The following TBC1D15 variants were observed in gnomAD, a reference collection of about 807,000 sequenced individuals.
TBC1D15 encodes the protein GAP for RAB7.
TBC1D15 carries 39 observed loss-of-function variants against 95.4 expected under a neutral mutation model. The ratio of observed to expected loss-of-function variants is 0.41; its 90% CI spans 0.32 to 0.53. The LOEUF (loss-of-function observed/expected upper bound fraction) is 0.53. Ranked by LOEUF, TBC1D15 falls within the 20% of genes least tolerant of loss-of-function variation. TBC1D15 has a pLI of 0.29. For missense variants in TBC1D15, 733 were observed against 794.3 expected, an observed-to-expected ratio of 0.92 and a Z score of 0.93; for synonymous variants, 258 against 261.3, an observed-to-expected ratio of 0.99 and a Z score of 0.12.
intron 16 of TBC1D15, among the ~76,000 whole-genome samples, chr12:71,922,676 A>T (rs1033097655): frequency 6.6e-6 from 1 of 152,222 alleles, no homozygotes; most frequent in African/African-American, 2.4e-5. Context: ...TGATCTAAGA[A>T]AGATATTATT....
chr12:71,876,806 A>T, intron 3 of TBC1D15, among the ~76,000 whole-genome samples: 3 of 131,328 alleles, frequency 2.3e-5, no homozygotes, highest in African/African-American at 2.9e-5. Context: ...TTTTTTTTGA[A>T]GTTTTTTTGT....
intron 7 of TBC1D15, 57 bp from the exon 8 acceptor site, chr12:71,895,890 C>T: frequency 6.5e-7 from 1 of 1,535,074 alleles, no homozygotes; most frequent in Admixed American, 1.9e-5. Context: ...TTCTATATGC[C>T]TTTATTTCAT....
intron 1 of TBC1D15, among the ~76,000 whole-genome samples, chr12:71,840,504 T>C (rs1165468694): frequency 1.3e-5 from 2 of 152,196 alleles, no homozygotes; most frequent in African/African-American, 2.4e-5. Flanking sequence ...CCTAATTTCG[T>C]TGGAAACTAG....
At chr12:71,860,427 GTGTT>G (rs1890130253) in intron 1 of TBC1D15, among the ~76,000 whole-genome samples, 1 of 152,016 alleles carries the variant, frequency 6.6e-6, no homozygotes, top group Non-Finnish European at 1.5e-5. Context: ...GTTTTCATCA[GTGTT>G]TGTAGTTATT....
At chr12:71,846,287 C>T (rs1886243420) in intron 1 of TBC1D15, among the ~76,000 whole-genome samples, 1 of 152,120 alleles carries the variant, frequency 6.6e-6, no homozygotes, top group Non-Finnish European at 1.5e-5. Context: ...GGCATCTTAG[C>T]AAATATTTAA....
chr12:71,844,209 T>C (rs1885757415), intron 1 of TBC1D15, among the ~76,000 whole-genome samples: 1 of 152,242 alleles, frequency 6.6e-6, no homozygotes, highest in Non-Finnish European at 1.5e-5. Context: ...CTGTTCGTTC[T>C]TGGCCCTGCA....
chr12:71,864,529 A>G (rs1450020500), intron 1 of TBC1D15, among the ~76,000 whole-genome samples: 3 of 147,370 alleles, frequency 2.0e-5, no homozygotes, highest in African/African-American at 7.5e-5. Flanking sequence ...TTTGTTTGAG[A>G]TGGAGTCTCG....
intron 1 of TBC1D15, among the ~76,000 whole-genome samples, chr12:71,859,508 A>G (rs1889911095): frequency 6.6e-6 from 1 of 152,046 alleles, no homozygotes; most frequent in Admixed American, 6.6e-5. Flanking sequence ...TCTCTGTAAA[A>G]TCTTTGTCCT....
intron 1 of TBC1D15, among the ~76,000 whole-genome samples, chr12:71,845,849 T>C (rs1021975516): frequency 6.6e-6 from 1 of 152,184 alleles, no homozygotes; most frequent in African/African-American, 2.4e-5. Flanking sequence ...TTAAAATATT[T>C]GGGTTGAATT....
chr12:71,884,840 A>G lies in TBC1D15; in HGVS notation c.373A>G (p.Lys125Glu), dbSNP rs1895913363. The G allele has an allele frequency of 9.3e-6, 15 of 1,613,996 alleles. No individual in the cohort carries two copies. Among genetic ancestry groups the G allele is most frequent in the Non-Finnish European group, 1.2e-5 (14 of 1,179,888 alleles). The change falls in exon 5 of 17, where the codon AAA (lysine) becomes GAA (glutamate). Residue 125 changes from lysine to glutamate, a missense_variant. Physicochemically the swap from Lys to Glu is moderately conservative, Grantham distance 56. Transcript: ENST00000485960. ...DAPSHRNGKS[K>E]WSFLFSLTDL... is the part of the protein sequence containing the mutation. ...TCCAAGTCATAGAAATGGGAAAAGCAAATGGTCATTCCTGTTCAGTTTGAC... is the reference window on the plus strand; with the variant it reads ...TCCAAGTCATAGAAATGGGAAAAGCGAATGGTCATTCCTGTTCAGTTTGAC...
chr12:71,841,024 A>C (rs561075991), intron 1 of TBC1D15: 1 of 152,276 alleles, frequency 6.6e-6, no homozygotes, highest in African/African-American at 2.4e-5. Context: ...GGCTCTTTTA[A>C]AGGATAGGTG....
At chr12:71,891,464 T>G (rs953123625) in intron 5 of TBC1D15, among the ~76,000 whole-genome samples, 2 of 152,172 alleles carry the variant, frequency 1.3e-5, no homozygotes, top group African/African-American at 4.8e-5. Context: ...AATATATATT[T>G]ATAGATTAAA....
intron 1 of TBC1D15, among the ~76,000 whole-genome samples, chr12:71,869,982 G>T (rs560608219): frequency 6.6e-6 from 1 of 152,182 alleles, no homozygotes; most frequent in Admixed American, 6.5e-5. Context: ...CTCTCCTGAA[G>T]TAGTCTTTGT....
intron 1 of TBC1D15, among the ~76,000 whole-genome samples, chr12:71,863,758 C>T (rs1393684439): frequency 2.6e-5 from 4 of 152,034 alleles, no homozygotes; most frequent in African/African-American, 9.7e-5. Flanking sequence ...TGTTAGACTA[C>T]TTATTTTTAA....
intron 10 of TBC1D15, among the ~76,000 whole-genome samples, chr12:71,906,159 C>T (rs554767371): frequency 9.2e-5 from 14 of 152,288 alleles, no homozygotes; most frequent in African/African-American, 2.4e-4. Flanking sequence ...AGGTGTGAGC[C>T]ACCACACCTG....
chr12:71,842,854 AG>A (rs1215799772), intron 1 of TBC1D15, among the ~76,000 whole-genome samples: 2 of 151,334 alleles, frequency 1.3e-5, no homozygotes, highest in African/African-American at 2.4e-5. Flanking sequence ...AAAAAAGAAA[AG>A]AAAAAGAAAA....
intron 12 of TBC1D15, among the ~76,000 whole-genome samples, chr12:71,915,461 A>AAAAC (rs1555206476): frequency 5.3e-5 from 8 of 151,780 alleles, no homozygotes; most frequent in African/African-American, 1.7e-4. Context: ...AAAAAAAAAA[A>AAAAC]AAAACACAAC....
In TBC1D15 at chr12:71,896,064, A is replaced by C. The variant is rs1161877996; in HGVS notation, c.973A>C (p.Ile325Leu). ...AAATGTAGATAATATGAAGCAGATG[A>C]TATTTAGAGGGGTAATTTAAACACT... ...ILNVDNMKQM[I>L]FRGGLSHALR... The change falls in exon 8 of 17, where the codon ATA (isoleucine) becomes CTA (leucine). Residue 325 changes from isoleucine (I) to leucine (L), a missense_variant. Coordinates refer to ENST00000485960, the MANE Select transcript of TBC1D15 (RefSeq NM_001146213.3). The C allele has an allele frequency of 6.2e-7, 1 of 1,608,836 alleles. No homozygotes were observed. The highest frequency in any genetic ancestry group is 2.2e-5 in the East Asian group (1 of 44,774).
chr12:71,894,408 G>A (rs1897785923), intron 6 of TBC1D15: 3 of 1,605,636 alleles, frequency 1.9e-6, no homozygotes, highest in Non-Finnish European at 2.6e-6. Context: ...GATGTATGCA[G>A]ATTGAGTGAA....
Sources: allele counts gnomAD v4.1 joint callset (sites outside exome capture counted in the v4.1 genomes callset), GRCh38; gene constraint gnomAD v4.1.1; transcripts MANE v1.5; gene names NCBI Gene and HGNC (gene_info 2026-07-23, HGNC 2026-07-21).